The following PTPRN2 variants were observed in gnomAD, a reference collection of about 807,000 sequenced individuals.
PTPRN2 encodes receptor-type tyrosine-protein phosphatase N2.
A neutral mutation model predicts 118.8 loss-of-function variants in PTPRN2; 74 were observed. The observed-to-expected ratio is 0.62, with a 90% CI of 0.52 to 0.76. The LOEUF is 0.76. Among genes scored for constraint, PTPRN2 ranks in the 30% least tolerant of loss-of-function variants. PTPRN2 has a pLI of 0.00. For synonymous variants in PTPRN2, 641 were observed against 608.0 expected (o/e 1.05, Z -0.80); for missense variants, 1,481 against 1,394.4 (o/e 1.06, Z -0.99).
intron 2 of PTPRN2, among the ~76,000 whole-genome samples, chr7:158,449,528 G>A (rs114847167): frequency 0.02 from 3,002 of 150,310 alleles, 85 homozygotes; most frequent in African/African-American, 0.071. Flanking sequence ...AGCGCGGGCC[G>A]AGTCCAAACA....
At position 157,987,542 on chromosome 7, in the gene PTPRN2, C is replaced by A. The variant is rs1803898037; in HGVS notation, c.1724-88805G>T. Among the ~76,000 whole-genome samples, 1 of 152,116 alleles carries A rather than the reference C, an allele frequency of 6.6e-6. No homozygotes were observed. Among genetic ancestry groups the A allele is most frequent in the Admixed American group, 6.5e-5 (1 of 15,276 alleles). ...AGAGACTTCCCAGGGGCAGAGCAGA[C>A]CCGGTGGACAGCAGGAGCTGCCTGG... On this transcript the variant is annotated intron_variant, in intron 11 of 22. Transcript: ENST00000389418. The surrounding 1 kb of genome is among the most constrained non-coding windows in gnomAD (Gnocchi z 4.3).
chr7:158,441,249 ATG>A, intron 2 of PTPRN2, among the ~76,000 whole-genome samples: 1 of 53,772 alleles, frequency 1.9e-5, no homozygotes, highest in South Asian at 7.5e-4. Context: ...AATGAAGGTG[ATG>A]GTGATGGTGA....
intron 2 of PTPRN2, among the ~76,000 whole-genome samples, chr7:158,485,836 T>C (rs1436149234): frequency 6.6e-6 from 1 of 152,212 alleles, no homozygotes; most frequent in East Asian, 1.9e-4. Flanking sequence ...TTCTTTGAGC[T>C]TTTTCTGCTA....
At chr7:158,443,045 TAA>T (rs536101228) in intron 2 of PTPRN2, among the ~76,000 whole-genome samples, 2 of 136,916 alleles carry the variant, frequency 1.5e-5, no homozygotes. Context: ...AAATAAGTAT[TAA>T]AAAAAAAAAA....
chr7:157,665,146 C>G (rs1796074394), intron 13 of PTPRN2, among the ~76,000 whole-genome samples: 1 of 152,244 alleles, frequency 6.6e-6, no homozygotes, highest in Non-Finnish European at 1.5e-5. Context: ...GCAAACAGAT[C>G]TTGGCCGGAC....
chr7:158,508,170 G>A (rs1408724845), intron 1 of PTPRN2, among the ~76,000 whole-genome samples: 2 of 148,844 alleles, frequency 1.3e-5, no homozygotes, highest in Admixed American at 1.3e-4. Context: ...AAGGCAGGTG[G>A]GCAGGCGGCA....
At position 157,613,714 on chromosome 7, in the gene PTPRN2, C is replaced by G. The variant is rs891201926; in HGVS notation, c.2344+7648G>C. 1.3e-5 allele frequency among the ~76,000 whole-genome samples: 2 copies of G among 152,222 alleles called. 1 individual carries two copies. The highest frequency in any genetic ancestry group is 1.3e-4 in the Admixed American group (2 of 15,292). On this transcript the variant is annotated intron_variant, in intron 15 of 22. Transcript: ENST00000389418. ...CGGCCTGCCTGGAACGTGCCAGAAT[C>G]GTCTCCCTAACCCGGCGGCCGTGGA...
chr7:157,937,175 T>C (rs1375180963), intron 11 of PTPRN2, among the ~76,000 whole-genome samples: 1 of 152,158 alleles, frequency 6.6e-6, no homozygotes, highest in Admixed American at 6.5e-5. Context: ...ACCTGGAACT[T>C]GCCGTGAGCA....
intron 11 of PTPRN2, among the ~76,000 whole-genome samples, chr7:157,982,394 G>A (rs13311699): frequency 7.8e-5 from 11 of 141,204 alleles, no homozygotes; most frequent in South Asian, 2.4e-4. Context: ...AATGCAGAGT[G>A]CAGGGTCCCC....
chr7:157,565,909 T>C (rs752500138), intron 21 of PTPRN2, among the ~76,000 whole-genome samples: 1 of 152,238 alleles, frequency 6.6e-6, no homozygotes, highest in Non-Finnish European at 1.5e-5. Flanking sequence ...GTGTAAGCGC[T>C]TCCCAGATTG....
intron 2 of PTPRN2, among the ~76,000 whole-genome samples, chr7:158,449,551 CA>C (rs1463074881): frequency 6.6e-6 from 1 of 152,110 alleles, no homozygotes; most frequent in African/African-American, 2.4e-5. Context: ...CACCAACAGG[CA>C]GAAGCAAGAC....
chr7:157,886,629 A>G (rs773343339), intron 12 of PTPRN2, among the ~76,000 whole-genome samples: 1 of 152,226 alleles, frequency 6.6e-6, no homozygotes, highest in Non-Finnish European at 1.5e-5. Flanking sequence ...ATGAACTCCT[A>G]TTTGTCAATA....
At chr7:157,967,435 G>T (rs1253250202) in intron 11 of PTPRN2, among the ~76,000 whole-genome samples, 1 of 152,200 alleles carries the variant, frequency 6.6e-6, no homozygotes, top group African/African-American at 2.4e-5. Context: ...TAAATGGGAT[G>T]GAAGGTGCAG....
At chr7:158,171,934 AT>A (rs1321002350) in intron 5 of PTPRN2, among the ~76,000 whole-genome samples, 4 of 152,296 alleles carry the variant, frequency 2.6e-5, no homozygotes, top group African/African-American at 7.2e-5. Flanking sequence ...GGCGATGGAC[AT>A]TCCTGTGCAT....
chr7:158,485,013 T>C (rs903578768), intron 2 of PTPRN2, among the ~76,000 whole-genome samples: 2 of 152,034 alleles, frequency 1.3e-5, no homozygotes, highest in Non-Finnish European at 2.9e-5. Flanking sequence ...CCGCTGTTGC[T>C]GTGGCCCCGG....
intron 13 of PTPRN2, among the ~76,000 whole-genome samples, chr7:157,662,953 A>G (rs1168317495): frequency 6.6e-6 from 1 of 152,144 alleles, no homozygotes; most frequent in East Asian, 1.9e-4. Context: ...TTCACGCAGC[A>G]CGGTTCAGTC....
At chr7:157,708,907 C>T (rs572562148) in intron 12 of PTPRN2, among the ~76,000 whole-genome samples, 6 of 152,340 alleles carry the variant, frequency 3.9e-5, no homozygotes, top group East Asian at 1.9e-4. Context: ...GAGAGCTGAA[C>T]GTGCTCTCCC....
At chr7:157,872,849 G>A (rs902341422) in intron 12 of PTPRN2, among the ~76,000 whole-genome samples, 1 of 152,224 alleles carries the variant, frequency 6.6e-6, no homozygotes, top group Non-Finnish European at 1.5e-5. Context: ...CTTTCTGTGT[G>A]GGCCCTGTCT....
rs1799784079 is a variant in PTPRN2 at position 157,729,644 on chromosome 7, G to A, written c.1789-46707C>T. On this transcript the variant is annotated intron_variant, in intron 12 of 22. Transcript: ENST00000389418. The surrounding 1 kb of genome is among the most constrained non-coding windows in gnomAD (Gnocchi z 4.3). ...CATCCTGGGGTCCGAGGGCTTCCTG[G>A]TCCTGACCCAGTCCTGCAGGGAGGT... Among the ~76,000 whole-genome samples the A allele has an allele frequency of 6.6e-6, 1 of 152,182 alleles. No homozygotes were observed. The highest frequency in any genetic ancestry group is 2.1e-4 in the South Asian group (1 of 4,826).
Sources: gnomAD v4.1 joint callset for allele counts (sites outside exome capture counted in the v4.1 genomes callset) on GRCh38, gnomAD v4.1.1 for gene constraint, Gnocchi (gnomAD v3.1) non-coding constraint, MANE v1.5 for transcripts, NCBI Gene and HGNC (gene_info 2026-07-23, HGNC 2026-07-21) for gene names.